Variants in MLLT10 observed in about 807,000 individuals in gnomAD.
The protein encoded by MLLT10 is protein AF-10.
In MLLT10, 30 loss-of-function variants were observed where a neutral mutation model predicts 129.1. The ratio of observed to expected loss-of-function variants is 0.23; its 90% confidence interval spans 0.17 to 0.32. MLLT10 has a LOEUF of 0.32. Among genes scored for constraint, MLLT10 ranks in the 10% least tolerant of loss-of-function variants. MLLT10 has a pLI of 1.00. For synonymous variants in MLLT10, 490 were observed against 446.4 expected (o/e 1.10, Z -1.23); for missense variants, 1,119 against 1,268.3 (o/e 0.88, Z 1.79).
rs1015856435 is a variant in MLLT10 at position 21,742,571 on chromosome 10, T to TGAA, written c.*590_*592dup. On this transcript the variant is annotated 3_prime_UTR_variant, in exon 23 of 23. Transcript: ENST00000307729. Reference sequence around the variant, plus strand: ...AATGGGATTTGGCCAATTTTGGTAATGAAGTTAGGATGGTAATGTCTGCAT... The same window carrying TGAA: ...AATGGGATTTGGCCAATTTTGGTAATGAAGAAGTTAGGATGGTAATGTCTGCAT... The TGAA allele has an allele frequency of 2.8e-5, 6 of 217,718 alleles. No individual in the cohort carries two copies. Among genetic ancestry groups the TGAA allele is most frequent in the Non-Finnish European group, 5.5e-5 (6 of 108,526 alleles). The allele number at this position is 217,718 out of a possible 1,614,324, so 13.5% of individuals were successfully genotyped here. A position where few individuals can be genotyped will look rare whatever the true frequency, so the allele number is the denominator to read the frequency against.
chr10:21,550,941 T>G (rs906506220), intron 3 of MLLT10, among the ~76,000 whole-genome samples: 2 of 143,784 alleles, frequency 1.4e-5, no homozygotes, highest in African/African-American at 5.3e-5. Context: ...TTTTTTTTTT[T>G]TTGAAATGGA....
At chr10:21,654,089 G>A (rs1186404754) in intron 9 of MLLT10, among the ~76,000 whole-genome samples, 17 of 152,174 alleles carry the variant, frequency 1.1e-4, no homozygotes, top group Admixed American at 1.1e-3. Flanking sequence ...ATATATTAAG[G>A]ACTAGCCCTT....
At chr10:21,642,884 T>A (rs2048152499) in intron 8 of MLLT10, among the ~76,000 whole-genome samples, 1 of 152,132 alleles carries the variant, frequency 6.6e-6, no homozygotes, top group Admixed American at 6.5e-5. Flanking sequence ...GCAAGAAAGA[T>A]GTTTATGTCT....
At chr10:21,735,419 A>C (rs1589899681) in intron 21 of MLLT10, among the ~76,000 whole-genome samples, 184 bp downstream of exon 21, 1 of 152,174 alleles carries the variant, frequency 6.6e-6, no homozygotes, top group African/African-American at 2.4e-5. Flanking sequence ...CTGAACTTAA[A>C]AGTGACAGGG....
chr10:21,594,979 C>T (rs953740746), intron 4 of MLLT10, among the ~76,000 whole-genome samples: 13 of 151,998 alleles, frequency 8.6e-5, no homozygotes, highest in African/African-American at 1.7e-4. Flanking sequence ...TAAATTTTGT[C>T]GTAAGTATTA....
intron 3 of MLLT10, among the ~76,000 whole-genome samples, chr10:21,554,053 A>T (rs11817861): frequency 0.028 from 4,323 of 152,264 alleles, 204 homozygotes; most frequent in African/African-American, 0.098. Flanking sequence ...GTGCTTGCTT[A>T]TACTCATTGT....
chr10:21,730,451 G>T (rs1174598150), intron 16 of MLLT10, among the ~76,000 whole-genome samples: 1 of 151,942 alleles, frequency 6.6e-6, no homozygotes, highest in African/African-American at 2.4e-5. Context: ...GATTTTAGTT[G>T]GTTGTAAATT....
chr10:21,667,203 G>A (rs992803614), intron 9 of MLLT10, among the ~76,000 whole-genome samples: 3 of 152,038 alleles, frequency 2.0e-5, no homozygotes, highest in Admixed American at 1.3e-4. Flanking sequence ...TGTTTTTGGA[G>A]TGTAAGACAT....
chr10:21,626,769 T>C (rs1198331114), intron 8 of MLLT10, among the ~76,000 whole-genome samples: 1 of 152,244 alleles, frequency 6.6e-6, no homozygotes, highest in Non-Finnish European at 1.5e-5. Flanking sequence ...TTTCTAGCAT[T>C]GAGAGTTACC....
intron 3 of MLLT10, among the ~76,000 whole-genome samples, chr10:21,554,976 C>G (rs1308590983): frequency 6.6e-6 from 1 of 151,784 alleles, no homozygotes; most frequent in East Asian, 2.0e-4. Context: ...CGCACGCCAC[C>G]ATGCCCAGCT....
rs961103830 is a variant in MLLT10, at chr10:21,636,250, A to T, written c.700-15423A>T. Reference sequence around the variant, plus strand: ...ATACTCCCACCTCAGCCTCTGGAGTAGCTGGTACTATAGGCATGCACCACC... The same window carrying T: ...ATACTCCCACCTCAGCCTCTGGAGTTGCTGGTACTATAGGCATGCACCACC... On this transcript the variant is annotated intron_variant, in intron 8 of 22. Coordinates refer to ENST00000307729, the MANE Select transcript of MLLT10 (RefSeq NM_001195626.3). 1.4e-4 allele frequency among the ~76,000 whole-genome samples: 22 copies of T among 152,020 alleles called. 1 individual carries two copies. The highest frequency in any genetic ancestry group is 1.4e-3 in the Admixed American group (22 of 15,246).
chr10:21,585,749 A>AG (rs2041924416), intron 3 of MLLT10, among the ~76,000 whole-genome samples: 1 of 152,130 alleles, frequency 6.6e-6, no homozygotes, highest in Non-Finnish European at 1.5e-5. Context: ...GATTTAAAAA[A>AG]TTGTGGCAGG....
intron 3 of MLLT10, among the ~76,000 whole-genome samples, chr10:21,572,993 A>G (rs1418032045): frequency 6.6e-6 from 1 of 152,164 alleles, no homozygotes; most frequent in East Asian, 1.9e-4. Context: ...ATAAAGTATT[A>G]TAAAAATTTC....
intron 13 of MLLT10, among the ~76,000 whole-genome samples, chr10:21,682,873 A>G (rs951017789): frequency 3.3e-5 from 5 of 152,184 alleles, no homozygotes; most frequent in South Asian, 2.1e-4. Context: ...AGTTTCCCCA[A>G]AGAACATTCC....
intron 8 of MLLT10, among the ~76,000 whole-genome samples, chr10:21,620,696 C>T (rs933033516): frequency 4.6e-5 from 7 of 151,420 alleles, no homozygotes; most frequent in Non-Finnish European, 8.8e-5. Context: ...ATTGTTTGTT[C>T]GTTTGTTTAC....
chr10:21,622,710 G>T (rs1394946922), intron 8 of MLLT10, among the ~76,000 whole-genome samples: 1 of 152,176 alleles, frequency 6.6e-6, no homozygotes, highest in Admixed American at 6.5e-5. Context: ...GGCAACAAAC[G>T]TGTGGGTTAT....
At chr10:21,577,347 T>C (rs1231729994) in intron 3 of MLLT10, among the ~76,000 whole-genome samples, 1 of 152,222 alleles carries the variant, frequency 6.6e-6, no homozygotes, top group Non-Finnish European at 1.5e-5. Context: ...AATCCAGACA[T>C]TTGTTTTGAA....
chr10:21,603,313 CACCTTAGCCTCTG>C (rs2043745234), intron 5 of MLLT10, among the ~76,000 whole-genome samples: 1 of 151,040 alleles, frequency 6.6e-6, no homozygotes, highest in Non-Finnish European at 1.5e-5. Flanking sequence ...GTGATTTGCC[CACCTTAGCCTCTG>C]AAAGTGCTGG....
At chr10:21,610,614 CCTT>C (rs1427671053) in intron 5 of MLLT10, among the ~76,000 whole-genome samples, 5 of 151,420 alleles carry the variant, frequency 3.3e-5, no homozygotes, top group African/African-American at 1.2e-4. Flanking sequence ...GTTTCACCCC[CCTT>C]CTTTTTTTTT....
Sources: allele counts gnomAD v4.1 joint callset (sites outside exome capture counted in the v4.1 genomes callset), GRCh38; gene constraint gnomAD v4.1.1; transcripts MANE v1.5; gene names NCBI Gene and HGNC (gene_info 2026-07-23, HGNC 2026-07-21).